KCNQ4: variants seen among roughly 807,000 people sequenced by gnomAD.
KCNQ4 encodes the protein potassium voltage-gated channel subfamily KQT member 4.
Under a neutral mutation model 72.6 loss-of-function variants are expected in KCNQ4, and 31 were observed. The observed-to-expected ratio is 0.43, with a 90% CI of 0.32 to 0.58. The LOEUF (loss-of-function observed/expected upper bound fraction) is 0.58. KCNQ4 is among the 20% of genes least tolerant of loss of function. The pLI is 0.08. For missense variants in KCNQ4, 869 were observed against 962.6 expected, an observed-to-expected ratio of 0.90 and a Z score of 1.29; for synonymous variants, 405 against 403.7, an observed-to-expected ratio of 1.00 and a Z score of -0.04.
intron 1 of KCNQ4, among the ~76,000 whole-genome samples, chr1:40,797,185 G>A (rs1419836327): frequency 2.0e-5 from 3 of 152,230 alleles, no homozygotes; most frequent in Non-Finnish European, 4.4e-5. Context: ...GGTGATAAGT[G>A]CCACTGTCCA....
In KCNQ4 at chr1:40,840,092, T is replaced by C. The variant is rs532757152; in HGVS notation, c.*1569T>C. On this transcript the variant is annotated 3_prime_UTR_variant, in exon 14 of 14. Coordinates refer to ENST00000347132, the MANE Select transcript of KCNQ4 (RefSeq NM_004700.4). ...AGGGGCCGAGGCCACGCTGCCTGCA[T>C]CTCGTGCTGGGGACCTGCATGCGCC... 6 of 152,276 alleles carry C rather than the reference T, an allele frequency of 3.9e-5. No individual in the cohort carries two copies. The highest frequency in any genetic ancestry group is 7.3e-5 in the Non-Finnish European group (5 of 68,086). The allele number at this position is 152,276 out of a possible 1,614,324, so 9.4% of individuals were successfully genotyped here.
intron 1 of KCNQ4, among the ~76,000 whole-genome samples, chr1:40,801,332 C>G (rs539085797): frequency 3.3e-5 from 5 of 152,294 alleles, no homozygotes; most frequent in African/African-American, 1.2e-4. Context: ...CCTGCTATTC[C>G]ACTGCCCTAG....
Position 40,818,819 on chromosome 1 carries a change from C to G in KCNQ4, c.708+139C>G, listed in dbSNP as rs547528751. On this transcript the variant is annotated intron_variant, in intron 4 of 13. Transcript: ENST00000347132. ...TGGCCTGCGGGGGTTGGAGCCCTAG[C>G]AGGAGGCGAGGTCTAAGCGGGTGGG... The G allele has an allele frequency of 1.5e-3, 1,515 of 978,706 alleles. 16 individuals carry two copies. In the African/African-American group the frequency reaches 0.022, roughly 14 times the overall value. 60.6% of individuals were successfully genotyped at this position (978,706 alleles called of 1,614,324 possible). A position where few individuals can be genotyped will look rare whatever the true frequency, so the allele number is the denominator to read the frequency against.
intron 9 of KCNQ4, among the ~76,000 whole-genome samples, chr1:40,830,071 T>G (rs1648591628): frequency 6.6e-6 from 1 of 152,102 alleles, no homozygotes; most frequent in Non-Finnish European, 1.5e-5. Context: ...CACGTACACG[T>G]TCACATGCAC....
intron 8 of KCNQ4, among the ~76,000 whole-genome samples, chr1:40,822,818 G>A (rs1648345728): frequency 6.6e-6 from 1 of 152,214 alleles, no homozygotes; most frequent in South Asian, 2.1e-4. Flanking sequence ...TCCAGACTTA[G>A]GTGCATGCTC....
At chr1:40,830,975 A>C in intron 9 of KCNQ4, 109 bp from the exon 10 acceptor site, 1 of 886,370 alleles carries the variant, frequency 1.1e-6, no homozygotes, top group Non-Finnish European at 1.8e-6. Context: ...CTTGGCGGGG[A>C]ATCCAGACCT....
In KCNQ4 at chr1:40,819,401, C is replaced by A; in HGVS notation, c.763C>A (p.Leu255Met). The A allele has an allele frequency of 6.2e-7, 1 of 1,613,992 alleles. No individual in the cohort carries two copies. The highest frequency in any genetic ancestry group is 8.5e-7 in the Non-Finnish European group (1 of 1,179,968). ...GFLVLIFASF[L>M]VYLAEKDANS... ...CCTGGTGCTCATCTTCGCCTCCTTC[C>A]TGGTCTACCTGGCTGAGAAGGACGC... is the stretch of plus-strand genomic sequence containing the variant. Residue 255 changes from leucine (L) to methionine (M), a missense_variant, in exon 5 of 14, where the codon CTG becomes ATG. Physicochemically the swap from Leu to Met is conservative, Grantham distance 15. Around this residue, in one of 5 missense-constraint regions of KCNQ4, gnomAD observed 179 missense variants for 243.0 expected, o/e 0.74. Coordinates refer to ENST00000347132, the MANE Select transcript of KCNQ4 (RefSeq NM_004700.4).
At chr1:40,803,236 A>G (rs529165438) in intron 1 of KCNQ4, among the ~76,000 whole-genome samples, 1 of 152,172 alleles carries the variant, frequency 6.6e-6, no homozygotes, top group Non-Finnish European at 1.5e-5. Context: ...GCTTCCCATT[A>G]GGGAAGCTGG....
intron 1 of KCNQ4, among the ~76,000 whole-genome samples, chr1:40,802,719 A>T (rs1647622085): frequency 6.6e-6 from 1 of 152,100 alleles, no homozygotes; most frequent in Non-Finnish European, 1.5e-5. Flanking sequence ...CTCTCCCGAG[A>T]AGTCGCGCAG....
intron 10 of KCNQ4, 139 bp downstream of exon 10, chr1:40,831,443 C>T (rs1378265570): frequency 1.0e-5 from 7 of 696,964 alleles, no homozygotes; most frequent in Admixed American, 2.6e-5. Flanking sequence ...CTGGTCTTCT[C>T]ATCTGTAAAA....
chr1:40,802,358 C>T (rs1200376707), intron 1 of KCNQ4, among the ~76,000 whole-genome samples: 12 of 152,142 alleles, frequency 7.9e-5, no homozygotes. Context: ...TTCAGGCCGC[C>T]GCGTTTTCAA....
At chr1:40,798,194 T>C (rs1440816990) in intron 1 of KCNQ4, among the ~76,000 whole-genome samples, 1 of 152,114 alleles carries the variant, frequency 6.6e-6, no homozygotes, top group Non-Finnish European at 1.5e-5. Context: ...TAAACTCAGG[T>C]CAGCAGTAGA....
Position 40,794,366 on chromosome 1 carries a change from C to T in KCNQ4, c.314+9959C>T, listed in dbSNP as rs1269296047. Among the ~76,000 whole-genome samples the T allele has an allele frequency of 6.6e-6, 1 of 152,172 alleles. No individual in the cohort carries two copies. Among genetic ancestry groups the T allele is most frequent in the Admixed American group, 6.5e-5 (1 of 15,284 alleles). On this transcript the variant is annotated intron_variant, in intron 1 of 13. Coordinates refer to ENST00000347132, the MANE Select transcript of KCNQ4 (RefSeq NM_004700.4). The surrounding 1 kb of genome is among the most constrained non-coding windows in gnomAD (Gnocchi z 4.2). ...TCTTTCTGAGTGAGTGCTGTGCAGA[C>T]GTGAGGTCATCTATTTTTTCCAGTA...
intron 9 of KCNQ4, among the ~76,000 whole-genome samples, chr1:40,827,736 A>AGTGTGT (rs1648525727): frequency 6.6e-6 from 1 of 151,954 alleles, no homozygotes; most frequent in Non-Finnish European, 1.5e-5. Context: ...TCTAGCTACT[A>AGTGTGT]CCCACTATTC....
Position 40,794,282 on chromosome 1 carries a change from G to T in KCNQ4, c.314+9875G>T, listed in dbSNP as rs1647346651. 6.6e-6 allele frequency among the ~76,000 whole-genome samples: 1 copy of T among 152,210 alleles called. No homozygotes were observed. The highest frequency in any genetic ancestry group is 2.4e-5 in the African/African-American group (1 of 41,450). On this transcript the variant is annotated intron_variant, in intron 1 of 13. Transcript: ENST00000347132. This position sits in a 1 kb window ranked among gnomAD's most constrained non-coding sequence, Gnocchi z 4.2. ...GGTGGGCCTTACCCTGTGGGCAGTG[G>T]GGAGCCATACACGGTGACAGGCCAG...
intron 1 of KCNQ4, among the ~76,000 whole-genome samples, chr1:40,801,881 T>C (rs1647584461): frequency 6.6e-6 from 1 of 152,050 alleles, no homozygotes; most frequent in Non-Finnish European, 1.5e-5. Context: ...TTTGAGCCCT[T>C]TGCAAGGACC....
At chr1:40,832,042 C>T (rs750821502) in intron 10 of KCNQ4, among the ~76,000 whole-genome samples, 1 of 152,250 alleles carries the variant, frequency 6.6e-6, no homozygotes, top group Non-Finnish European at 1.5e-5. Flanking sequence ...ATGCTGATGT[C>T]ACTTTTCTGA....
Position 40,838,763 on chromosome 1 carries a change from C to T in KCNQ4, c.*240C>T, listed in dbSNP as rs1196136306. On this transcript the variant is annotated 3_prime_UTR_variant, in exon 14 of 14. Coordinates refer to ENST00000347132, the MANE Select transcript of KCNQ4 (RefSeq NM_004700.4). ...GAGGGCAGCAGCAGCGGCCGTCCCG[C>T]GGCCTCTGGGCCCCCCAGTGCCCTG... The T allele has an allele frequency of 6.8e-6, 4 of 589,154 alleles. No individual in the cohort carries two copies. The highest frequency in any genetic ancestry group is 5.7e-5 in the Admixed American group (2 of 34,882). 36.5% of individuals were successfully genotyped at this position (589,154 alleles called of 1,614,324 possible).
intron 8 of KCNQ4, 114 bp from the exon 9 acceptor site, chr1:40,823,983 A>G (rs1570838025): frequency 8.0e-7 from 1 of 1,247,132 alleles, no homozygotes; most frequent in South Asian, 1.3e-5. Flanking sequence ...CTGTCAGTGA[A>G]CACCTCTAGA....
Sources: gnomAD v4.1 joint callset for allele counts (sites outside exome capture counted in the v4.1 genomes callset) on GRCh38, gnomAD v4.1.1 for gene constraint, gnomAD v4.1.1 regional missense constraint, Gnocchi (gnomAD v3.1) non-coding constraint, MANE v1.5 for transcripts, NCBI Gene and HGNC (gene_info 2026-07-23, HGNC 2026-07-21) for gene names.